The following RNF150 variants were observed in gnomAD, a reference collection of about 807,000 sequenced individuals.
The protein encoded by RNF150 is ring finger protein 150.
Under a neutral mutation model 39.3 loss-of-function variants are expected in RNF150, and 24 were observed. That is an observed-to-expected ratio of 0.61 (90% confidence interval 0.44 to 0.86). The LOEUF (loss-of-function observed/expected upper bound fraction) is 0.86, where lower values mean the gene tolerates loss of function less well. Among genes scored for constraint, RNF150 ranks in the 40% least tolerant of loss-of-function variants. RNF150 has a pLI of 0.00. For synonymous variants in RNF150, 255 were observed against 227.3 expected (o/e 1.12, Z -1.10); for missense variants, 502 against 587.8 (o/e 0.85, Z 1.51).
chr4:141,181,808 C>T (rs1727913682), intron 1 of RNF150, among the ~76,000 whole-genome samples: 1 of 152,110 alleles, frequency 6.6e-6, no homozygotes, highest in African/African-American at 2.4e-5. Flanking sequence ...AATGGTAAGC[C>T]ACTCATGTCA....
intron 1 of RNF150, among the ~76,000 whole-genome samples, chr4:141,047,861 C>T (rs1736635455): frequency 6.6e-6 from 1 of 152,018 alleles, no homozygotes; most frequent in African/African-American, 2.4e-5. Flanking sequence ...TATTATTTTT[C>T]TCCTGGCACT....
chr4:141,152,115 T>G (rs1727313236), intron 1 of RNF150, among the ~76,000 whole-genome samples: 1 of 152,196 alleles, frequency 6.6e-6, no homozygotes, highest in Non-Finnish European at 1.5e-5. Flanking sequence ...ATCTGGGAAA[T>G]TGTGCTGTGA....
chr4:141,025,951 C>T (rs932141942), intron 1 of RNF150, among the ~76,000 whole-genome samples: 8 of 152,006 alleles, frequency 5.3e-5, no homozygotes, highest in Admixed American at 1.3e-4. Context: ...AGAGTGGAGC[C>T]GTCATGAACT....
rs868790734 is a variant in RNF150, at chr4:140,999,987, A to G, written c.485-32114T>C. Reference sequence around the variant, plus strand: ...AGAAGAAGAAGAAGAAAAGAAGAAAAGAAGAAAAGAAGAAGAAGAAGAAGA... The same window carrying G: ...AGAAGAAGAAGAAGAAAAGAAGAAAGGAAGAAAAGAAGAAGAAGAAGAAGA... On this transcript the variant is annotated intron_variant, in intron 1 of 6. Coordinates refer to ENST00000515673, the MANE Select transcript of RNF150 (RefSeq NM_020724.2). Among the ~76,000 whole-genome samples, 14 of 30,746 alleles carry G rather than the reference A, an allele frequency of 4.6e-4. 2 individuals carry two copies. Among genetic ancestry groups the G allele is most frequent in the Non-Finnish European group, 9.8e-4 (10 of 10,232 alleles). The allele number at this position is 30,746 out of a possible 152,430, so 20.2% of individuals were successfully genotyped here.
chr4:141,090,328 C>T (rs764847673), intron 1 of RNF150, among the ~76,000 whole-genome samples: 1 of 152,054 alleles, frequency 6.6e-6, no homozygotes, highest in South Asian at 2.1e-4. Flanking sequence ...ATTTGTAGTG[C>T]ACCTAAGCTT....
chr4:140,917,175 C>T (rs1342123832), intron 5 of RNF150, among the ~76,000 whole-genome samples: 2 of 152,174 alleles, frequency 1.3e-5, no homozygotes, highest in Non-Finnish European at 2.9e-5. Flanking sequence ...ACAACAGGAT[C>T]AAATTCACAC....
chr4:141,141,094 C>T (rs1298090714), intron 1 of RNF150, among the ~76,000 whole-genome samples: 1 of 152,186 alleles, frequency 6.6e-6, no homozygotes, highest in African/African-American at 2.4e-5. Context: ...TTTCCATTGA[C>T]TAGTTCTCTC....
chr4:140,899,974 C>CTCTCTCTGTGTGTGTG (rs1365683071), intron 6 of RNF150, among the ~76,000 whole-genome samples: 3 of 69,164 alleles, frequency 4.3e-5, no homozygotes, highest in African/African-American at 1.3e-4. Context: ...CTCTCTCTCT[C>CTCTCTCTGTGTGTGTG]TGTGTGTGTG....
At chr4:140,872,513 T>C (rs1728986091) in intron 6 of RNF150, among the ~76,000 whole-genome samples, 1 of 152,080 alleles carries the variant, frequency 6.6e-6, no homozygotes, top group South Asian at 2.1e-4. Context: ...ACAAGAAAAA[T>C]ATTGGCAGGA....
chr4:141,075,206 C>T (rs1737850226), intron 1 of RNF150, among the ~76,000 whole-genome samples: 1 of 152,166 alleles, frequency 6.6e-6, no homozygotes, highest in Admixed American at 6.5e-5. Context: ...CTTCATGGAC[C>T]ATATTATCTG....
At chr4:140,998,601 T>C (rs372186783) in intron 1 of RNF150, among the ~76,000 whole-genome samples, 3 of 152,186 alleles carry the variant, frequency 2.0e-5, no homozygotes, top group African/African-American at 7.2e-5. Flanking sequence ...AGCACAGTCC[T>C]CCAGCCAGAG....
At chr4:141,163,984 G>A (rs1408643691) in intron 1 of RNF150, among the ~76,000 whole-genome samples, 1 of 152,040 alleles carries the variant, frequency 6.6e-6, no homozygotes, top group African/African-American at 2.4e-5. Context: ...GGCTTCAGAA[G>A]GTGGGTAATA....
At chr4:141,000,066 AAGAAGAAGAAGAAGAAGAAGG>A (rs1560679465) in intron 1 of RNF150, among the ~76,000 whole-genome samples, 2,184 of 91,658 alleles carry the variant, frequency 0.024, 445 homozygotes, top group Middle Eastern at 0.056. Context: ...GAAGAAGAAG[AAGAAGAAGAAGAAGAAGAAGG>A]AGAAGAAGAA....
chr4:140,952,674 C>T (rs1348960348), intron 2 of RNF150, among the ~76,000 whole-genome samples: 1 of 152,128 alleles, frequency 6.6e-6, no homozygotes, highest in Non-Finnish European at 1.5e-5. Flanking sequence ...AAGTTAATGG[C>T]TAGGGAATTA....
intron 1 of RNF150, among the ~76,000 whole-genome samples, chr4:141,148,765 G>A (rs529972760): frequency 1.0e-3 from 158 of 152,184 alleles, no homozygotes; most frequent in African/African-American, 3.5e-3. Context: ...ATGGTACCAC[G>A]TCCCTGTTTC....
At chr4:140,895,785 A>G (rs1340135585) in intron 6 of RNF150, among the ~76,000 whole-genome samples, 2 of 152,206 alleles carry the variant, frequency 1.3e-5, no homozygotes, top group African/African-American at 4.8e-5. Flanking sequence ...GAGAAAACCA[A>G]TGGTAATTCT....
intron 5 of RNF150, among the ~76,000 whole-genome samples, chr4:140,921,522 C>T (rs147215178): frequency 0.58 from 87,552 of 151,914 alleles, 25,726 homozygotes; most frequent in East Asian, 0.89. Flanking sequence ...GATTCACAGC[C>T]GAATTCTACC....
chr4:140,909,964 A>G (rs1730528439), intron 6 of RNF150, among the ~76,000 whole-genome samples: 1 of 152,200 alleles, frequency 6.6e-6, no homozygotes, highest in Non-Finnish European at 1.5e-5. Context: ...AATCCCATGG[A>G]TCATCTCAAC....
intron 1 of RNF150, among the ~76,000 whole-genome samples, chr4:141,062,394 C>T (rs1175313897): frequency 6.6e-6 from 1 of 152,064 alleles, no homozygotes; most frequent in Non-Finnish European, 1.5e-5. Flanking sequence ...TGTCTACACA[C>T]ACACACGCAC....
Sources: allele counts gnomAD v4.1 joint callset (sites outside exome capture counted in the v4.1 genomes callset), GRCh38; gene constraint gnomAD v4.1.1; transcripts MANE v1.5; gene names NCBI Gene and HGNC (gene_info 2026-07-23, HGNC 2026-07-21).